The following DAB1 variants were observed in gnomAD, a reference collection of about 807,000 sequenced individuals.
DAB1 encodes disabled homolog 1.
In DAB1, 15 loss-of-function variants were observed where a neutral mutation model predicts 64.6. The observed-to-expected ratio is 0.23, with a 90% CI of 0.16 to 0.36. DAB1 has a LOEUF of 0.36. Among genes scored for constraint, DAB1 ranks in the 10% least tolerant of loss-of-function variants. DAB1 has a pLI of 1.00. For missense variants in DAB1, 596 were observed against 706.7 expected, an observed-to-expected ratio of 0.84 and a Z score of 1.78; for synonymous variants, 235 against 251.9, an observed-to-expected ratio of 0.93 and a Z score of 0.64.
intron 1 of DAB1, among the ~76,000 whole-genome samples, chr1:57,398,062 C>T (rs1682951295): frequency 6.6e-6 from 1 of 152,198 alleles, no homozygotes; most frequent in Admixed American, 6.5e-5. Context: ...ACAAAAATGA[C>T]TTCCATTTGA....
chr1:58,299,516 A>G (rs1245284898), intron 4 of DAB1, among the ~76,000 whole-genome samples: 1 of 152,204 alleles, frequency 6.6e-6, no homozygotes, highest in African/African-American at 2.4e-5. Context: ...CATGTATGCA[A>G]TGAATAAATG....
intron 5 of DAB1, among the ~76,000 whole-genome samples, chr1:58,143,820 C>A (rs1194317116): frequency 6.6e-6 from 1 of 152,178 alleles, no homozygotes; most frequent in Non-Finnish European, 1.5e-5. Context: ...AGATTACAGT[C>A]CCCTCACCCA....
At chr1:57,477,318 A>G (rs560795166) in intron 7 of DAB1, among the ~76,000 whole-genome samples, 1 of 152,346 alleles carries the variant, frequency 6.6e-6, no homozygotes, top group Non-Finnish European at 1.5e-5. Context: ...TAATAAAACA[A>G]TACTTACCCT....
At chr1:57,424,929 C>A (rs908969861), upstream of DAB1, among the ~76,000 whole-genome samples, 2 of 152,230 alleles carry the variant, frequency 1.3e-5, no homozygotes, top group Admixed American at 6.5e-5. Flanking sequence ...AGTAAACAAT[C>A]CTCCGATTCG....
intron 5 of DAB1, among the ~76,000 whole-genome samples, chr1:57,928,006 T>C (rs1186294641): frequency 1.3e-5 from 2 of 152,214 alleles, no homozygotes; most frequent in Non-Finnish European, 2.9e-5. Context: ...CTATACACTT[T>C]CCCCTAAACA....
At chr1:57,356,133 G>A (rs1679083007) in intron 1 of DAB1, among the ~76,000 whole-genome samples, 1 of 152,118 alleles carries the variant, frequency 6.6e-6, no homozygotes, top group Non-Finnish European at 1.5e-5. Flanking sequence ...CTAGAGCAGT[G>A]TTTAGCACAT....
intron 6 of DAB1, among the ~76,000 whole-genome samples, chr1:57,814,159 AAATG>A (rs1327956039): frequency 6.6e-6 from 1 of 152,220 alleles, no homozygotes. Flanking sequence ...GCGAGGACAC[AAATG>A]AGTGTTTTAC....
At chr1:57,935,363 A>C (rs1645010741) in intron 5 of DAB1, among the ~76,000 whole-genome samples, 1 of 152,210 alleles carries the variant, frequency 6.6e-6, no homozygotes, top group Non-Finnish European at 1.5e-5. Context: ...GAATTAATTG[A>C]GGTTAACAAC....
intron 2 of DAB1, among the ~76,000 whole-genome samples, chr1:57,265,935 C>A (rs1048258911): frequency 6.6e-6 from 1 of 152,176 alleles, no homozygotes; most frequent in African/African-American, 2.4e-5. Context: ...GAAATAATTT[C>A]TCCAGCTCCT....
intron 1 of DAB1, among the ~76,000 whole-genome samples, chr1:57,351,999 A>G (rs376337378): frequency 7.9e-5 from 12 of 152,230 alleles, no homozygotes; most frequent in East Asian, 5.8e-4. Context: ...AATGCAAAAC[A>G]TGAATACCTA....
chr1:57,791,376 G>C (rs1156737356), intron 6 of DAB1, among the ~76,000 whole-genome samples: 1 of 152,052 alleles, frequency 6.6e-6, no homozygotes, highest in African/African-American at 2.4e-5. Context: ...ACTTTTACTA[G>C]CTACTATTAT....
chr1:57,026,186 A>T, intron 9 of DAB1, 143 bp from the exon 10 acceptor site: 1 of 620,166 alleles, frequency 1.6e-6, no homozygotes, highest in Non-Finnish European at 2.8e-6. Context: ...GGTCATTACT[A>T]TACCTCAGGA....
intron 4 of DAB1, among the ~76,000 whole-genome samples, chr1:58,281,570 G>T (rs1661564727): frequency 6.6e-6 from 1 of 150,418 alleles, no homozygotes; most frequent in Non-Finnish European, 1.5e-5. Flanking sequence ...CAGCAAGAGT[G>T]TTTTTTTTTC....
At chr1:57,849,356 A>G (rs1383135239) in intron 1 of DAB1, among the ~76,000 whole-genome samples, 2 of 152,136 alleles carry the variant, frequency 1.3e-5, no homozygotes, top group Admixed American at 6.5e-5. Context: ...GCCTCTCCTT[A>G]TTGCTCACAG....
chr1:57,248,254 TG>T (rs1489103432), intron 2 of DAB1, among the ~76,000 whole-genome samples: 3 of 152,236 alleles, frequency 2.0e-5, no homozygotes, highest in East Asian at 3.9e-4. Flanking sequence ...TTATTTTTAT[TG>T]TTTTTTTTAA....
chr1:57,754,579 G>A (rs979060937), intron 6 of DAB1, among the ~76,000 whole-genome samples: 27 of 151,746 alleles, frequency 1.8e-4, no homozygotes, highest in African/African-American at 4.8e-4. Context: ...CCAGCTACTC[G>A]GAAGGCTGAG....
At chr1:58,246,034 A>G (rs1377890684) in intron 4 of DAB1, among the ~76,000 whole-genome samples, 1 of 152,128 alleles carries the variant, frequency 6.6e-6, no homozygotes, top group Non-Finnish European at 1.5e-5. Flanking sequence ...CACAGAAGGT[A>G]TTTAGGTGGG....
At chr1:57,207,074 TTC>T (rs1665624702) in intron 2 of DAB1, among the ~76,000 whole-genome samples, 1 of 148,802 alleles carries the variant, frequency 6.7e-6, no homozygotes, top group Non-Finnish European at 1.5e-5. Context: ...GTTCAAGTGA[TTC>T]TCCTGCCTCA....
chr1:58,239,901 G>A (rs1335306968), intron 4 of DAB1, among the ~76,000 whole-genome samples: 2 of 152,162 alleles, frequency 1.3e-5, no homozygotes, highest in East Asian at 1.9e-4. Flanking sequence ...TCCCGGAGCC[G>A]CAAGTCATTA....
Sources: allele counts gnomAD v4.1 joint callset (sites outside exome capture counted in the v4.1 genomes callset), GRCh38; gene constraint gnomAD v4.1.1; transcripts MANE v1.5; gene names NCBI Gene and HGNC (gene_info 2026-07-23, HGNC 2026-07-21).